The following EDARADD variants were observed in gnomAD, a reference collection of about 807,000 sequenced individuals.
EDARADD encodes EDAR associated via death domain, also known as ectodysplasin-A receptor-associated adapter protein.
A neutral mutation model predicts 25.6 loss-of-function variants in EDARADD; 20 were observed. That is an observed-to-expected ratio of 0.78 (90% CI 0.55 to 1.14). The LOEUF (loss-of-function observed/expected upper bound fraction) is 1.14. Among genes scored for constraint, EDARADD ranks in the 50% most tolerant of loss-of-function variants. The pLI, the probability that EDARADD is intolerant of heterozygous loss-of-function variation, is 0.00. For synonymous variants in EDARADD, 86 were observed against 94.4 expected (o/e 0.91, Z 0.52); for missense variants, 225 against 270.1 (o/e 0.83, Z 1.17).
At chr1:236,412,323 G>A (rs116741176) in intron 2 of EDARADD, among the ~76,000 whole-genome samples, 41 of 152,090 alleles carry the variant, frequency 2.7e-4, no homozygotes, top group Non-Finnish European at 4.7e-4. Context: ...TCCCTTCTCC[G>A]TAGCCCAATC....
At chr1:236,377,360 C>G (rs1010124642) in intron 3 of EDARADD, among the ~76,000 whole-genome samples, 1 of 149,452 alleles carries the variant, frequency 6.7e-6, no homozygotes, top group Non-Finnish European at 1.5e-5. Context: ...TTTGCCATGT[C>G]GGCCAGGCTG....
intron 2 of EDARADD, among the ~76,000 whole-genome samples, chr1:236,349,502 G>A (rs977381299): frequency 2.0e-5 from 3 of 151,920 alleles, no homozygotes; most frequent in African/African-American, 7.3e-5. Context: ...GAAATACATT[G>A]GTTTGGTTCA....
chr1:236,422,180 G>A (rs1657800170), intron 3 of EDARADD, among the ~76,000 whole-genome samples: 1 of 152,168 alleles, frequency 6.6e-6, no homozygotes, highest in East Asian at 1.9e-4. Flanking sequence ...CCTCTCAATC[G>A]AACCTGCTGC....
intron 4 of EDARADD, among the ~76,000 whole-genome samples, chr1:236,433,035 C>A (rs76438867): frequency 6.6e-6 from 1 of 151,906 alleles, no homozygotes; most frequent in East Asian, 1.9e-4. Flanking sequence ...TTCATAATAA[C>A]AGAAACTGGG....
At chr1:236,427,558 A>G in intron 4 of EDARADD, 108 bp downstream of exon 4, 3 of 1,119,524 alleles carry the variant, frequency 2.7e-6, no homozygotes, top group South Asian at 2.9e-5. Flanking sequence ...CAGGATTTCT[A>G]GATCATAAAC....
chr1:236,464,744 C>T (rs1270933996), intron 4 of EDARADD, among the ~76,000 whole-genome samples: 1 of 152,006 alleles, frequency 6.6e-6, no homozygotes, highest in Non-Finnish European at 1.5e-5. Context: ...TTTGCTGCAA[C>T]TTTTGACACT....
At chr1:236,439,931 T>C (rs113908570) in intron 4 of EDARADD, among the ~76,000 whole-genome samples, 2 of 152,332 alleles carry the variant, frequency 1.3e-5, no homozygotes, top group African/African-American at 4.8e-5. Context: ...ATGCCCAAGG[T>C]TAACTAGATT....
intron 3 of EDARADD, among the ~76,000 whole-genome samples, chr1:236,382,835 T>C (rs1464201805): frequency 6.6e-6 from 1 of 152,130 alleles, no homozygotes; most frequent in African/African-American, 2.4e-5. Context: ...CAGGCACGGT[T>C]CCCTCTGAAG....
chr1:236,482,652 C>T lies in EDARADD; in HGVS notation c.*3C>T. 1 of 1,611,620 alleles carries T rather than the reference C, an allele frequency of 6.2e-7. No individual in the cohort carries two copies. Among genetic ancestry groups the T allele is most frequent in the Non-Finnish European group, 8.5e-7 (1 of 1,180,020 alleles). On this transcript the variant is annotated 3_prime_UTR_variant, in exon 6 of 6. Transcript: ENST00000334232. ...GAGACCCCTCCAGGCACTTCTAGAGCTCTTCTTCTTCCTTCATTGGCCTCT... is the reference window on the plus strand; with the variant it reads ...GAGACCCCTCCAGGCACTTCTAGAGTTCTTCTTCTTCCTTCATTGGCCTCT...
intron 5 of EDARADD, 111 bp from the exon 6 acceptor site, chr1:236,482,156 G>C (rs545805436): frequency 1.8e-6 from 2 of 1,107,672 alleles, no homozygotes; most frequent in African/African-American, 3.1e-5. Context: ...TTCTGAAATA[G>C]TCTTCCATAT....
At chr1:236,462,518 G>A (rs534222159) in intron 4 of EDARADD, among the ~76,000 whole-genome samples, 15 of 152,138 alleles carry the variant, frequency 9.9e-5, no homozygotes, top group South Asian at 2.1e-4. Context: ...CCATTCCCCC[G>A]TGGGCTGCAC....
chr1:236,468,703 T>G (rs1387142028), intron 5 of EDARADD, among the ~76,000 whole-genome samples: 2 of 152,190 alleles, frequency 1.3e-5, no homozygotes, highest in African/African-American at 4.8e-5. Flanking sequence ...TAGAGCAACT[T>G]TCTACCTGCG....
At chr1:236,353,269 T>G (rs1476107493) in intron 3 of EDARADD, among the ~76,000 whole-genome samples, 1 of 152,206 alleles carries the variant, frequency 6.6e-6, no homozygotes, top group African/African-American at 2.4e-5. Context: ...GTCTCCCTTA[T>G]CTGTATCTGC....
chr1:236,392,549 C>A (rs1667439370), upstream of EDARADD, among the ~76,000 whole-genome samples: 1 of 149,996 alleles, frequency 6.7e-6, no homozygotes, highest in Admixed American at 6.7e-5. Context: ...TGCAGTGGCA[C>A]AATCTCAGCT....
chr1:236,394,382 C>G lies in EDARADD; in HGVS notation c.-63C>G. On this transcript the variant is annotated 5_prime_UTR_variant, in exon 1 of 6. Transcript: ENST00000334232. ...GCCAGACAACCAGCGAGCATCTTCT[C>G]GCAATCTGTTGCTTCTTCCATGGCA... 6.4e-7 allele frequency: 1 copy of G among 1,569,310 alleles called. No individual in the cohort carries two copies. Among genetic ancestry groups the G allele is most frequent in the South Asian group, 1.1e-5 (1 of 90,058 alleles).
At chr1:236,433,848 C>T (rs1321600435) in intron 4 of EDARADD, among the ~76,000 whole-genome samples, 4 of 149,566 alleles carry the variant, frequency 2.7e-5, no homozygotes, top group Admixed American at 6.7e-5. Context: ...CCAGCCTAGG[C>T]GACAGAGTGA....
intron 4 of EDARADD, among the ~76,000 whole-genome samples, chr1:236,432,611 T>A (rs1422759478): frequency 3.3e-5 from 5 of 151,452 alleles, no homozygotes; most frequent in African/African-American, 1.2e-4. Flanking sequence ...GCAGACCAAC[T>A]CGGTGGCTCA....
At chr1:236,459,038 A>C (rs1172127038) in intron 4 of EDARADD, among the ~76,000 whole-genome samples, 1 of 152,186 alleles carries the variant, frequency 6.6e-6, no homozygotes. Flanking sequence ...TGACAGATGA[A>C]GCCAAATGGT....
At chr1:236,421,893 T>A (rs1044134028) in intron 3 of EDARADD, among the ~76,000 whole-genome samples, 3 of 152,112 alleles carry the variant, frequency 2.0e-5, no homozygotes, top group Non-Finnish European at 4.4e-5. Context: ...AATTTAAACC[T>A]TAATGATGGC....
Sources: gnomAD v4.1 joint callset for allele counts (sites outside exome capture counted in the v4.1 genomes callset) on GRCh38, gnomAD v4.1.1 for gene constraint, MANE v1.5 for transcripts, NCBI Gene and HGNC (gene_info 2026-07-23, HGNC 2026-07-21) for gene names.